Variants in COX15 observed in about 807,000 individuals in gnomAD.
COX15 encodes the protein heme A synthase COX15.
In COX15, 51 loss-of-function variants were observed where a neutral mutation model predicts 51.9. The ratio of observed to expected loss-of-function variants is 0.98; its 90% CI spans 0.78 to 1.24. COX15 has a LOEUF of 1.24. COX15 is among the 50% of genes most tolerant of loss of function. The pLI, the probability that COX15 is intolerant of heterozygous loss-of-function variation, is 0.00. For missense variants in COX15, 420 were observed against 501.1 expected (o/e 0.84, Z 1.55); for synonymous variants, 188 against 190.5 (o/e 0.99, Z 0.11).
At chr10:99,729,503 G>T in intron 2 of COX15, 50 bp downstream of exon 2, 1 of 1,508,968 alleles carries the variant, frequency 6.6e-7, no homozygotes, top group Non-Finnish European at 9.2e-7. Context: ...GTCAACCTGT[G>T]CTTCTACTGA....
At chr10:99,702,721 G>A in the COX15 span, 1 of 1,505,288 alleles carries the variant, frequency 6.6e-7, no homozygotes, top group Non-Finnish European at 8.9e-7. Flanking sequence ...GAGGATATCA[G>A]TTGATGCCTC....
rs770156735 is a variant in COX15 at position 99,713,417 on chromosome 10, G to C, written c.*1170C>G. On this transcript the variant is annotated 3_prime_UTR_variant, in exon 9 of 9. Coordinates refer to ENST00000016171, the MANE Select transcript of COX15 (RefSeq NM_078470.6). Reference sequence around the variant, plus strand: ...ATTGGGTTGCTCCATCCTCAAATCAGATGTTTCTGATGCCTTCATCCAAAT... The same window carrying C: ...ATTGGGTTGCTCCATCCTCAAATCACATGTTTCTGATGCCTTCATCCAAAT... The C allele has an allele frequency of 6.2e-7, 1 of 1,613,916 alleles. No individual in the cohort carries two copies. Among genetic ancestry groups the C allele is most frequent in the Admixed American group, 1.7e-5 (1 of 60,014 alleles).
rs748566454 is a variant in COX15, at chr10:99,714,686, A to G, written c.1134T>C (p.Tyr378=). 2 of 1,613,998 alleles carry G rather than the reference A, an allele frequency of 1.2e-6. No individual in the cohort carries two copies. The highest frequency in any genetic ancestry group is 3.3e-5 in the Admixed American group (2 of 60,024). The change falls in exon 9 of 9, where the codon TAT becomes TAC. Residue 378 remains tyrosine (Y), a synonymous_variant. Transcript: ENST00000016171. ...VGLGISTLLM[Y]VPTPLAATHQ... Reference sequence around the variant, plus strand: ...GAGTGGCGGCCAGAGGAGTTGGGACATACATCAGCAGCGTGCTGATGCCCA... The same window carrying G: ...GAGTGGCGGCCAGAGGAGTTGGGACGTACATCAGCAGCGTGCTGATGCCCA...
chr10:99,716,469 G>T lies in COX15; in HGVS notation c.988-8C>A, dbSNP rs542092025. ...AGTGACTGAAGTGATTCCCTGCAGGGAAGAAAGAGTCTATCACATTAGATA... is the reference window on the plus strand; with the variant it reads ...AGTGACTGAAGTGATTCCCTGCAGGTAAGAAAGAGTCTATCACATTAGATA... On this transcript the variant is annotated splice_region_variant and splice_polypyrimidine_tract_variant and intron_variant, in intron 7 of 8. Coordinates refer to ENST00000016171, the MANE Select transcript of COX15 (RefSeq NM_078470.6). 1,432 of 1,581,106 alleles carry T rather than the reference G, an allele frequency of 9.1e-4. 27 individuals are homozygous for T. In the South Asian group the frequency reaches 0.015, roughly 17 times the overall value.
At chr10:99,710,344 C>T (rs2036341086), downstream of COX15, 1 of 985,226 alleles carries the variant, frequency 1.0e-6, no homozygotes, top group African/African-American at 1.7e-5. Context: ...CCACAATTAC[C>T]CTTTAGTTGA....
downstream of COX15, chr10:99,710,409 C>G (rs938196303): frequency 3.1e-5 from 31 of 985,252 alleles, no homozygotes; most frequent in African/African-American, 5.2e-4. Flanking sequence ...GATCAATGGC[C>G]TCTGCGGAGT....
chr10:99,698,746 T>C, the COX15 span: 11 of 1,614,230 alleles, frequency 6.8e-6, no homozygotes, highest in South Asian at 6.6e-5. Context: ...CAATCGCCTA[T>C]TGACTTCAAC....
At chr10:99,696,037 G>A in the COX15 span, 8 of 1,614,206 alleles carry the variant, frequency 5.0e-6, no homozygotes, top group Non-Finnish European at 6.8e-6. Flanking sequence ...CAGGGTTTAT[G>A]TCACAACTTT....
chr10:99,699,188 C>T, the COX15 span, among the ~76,000 whole-genome samples: 1 of 152,166 alleles, frequency 6.6e-6, no homozygotes, highest in African/African-American at 2.4e-5. Flanking sequence ...CAAGAAATGT[C>T]ACCTCCAGTA....
rs1275177448 is a variant in COX15 at position 99,712,941 on chromosome 10, T to C, written c.*1646A>G. The C allele has an allele frequency of 1.1e-6, 1 of 882,152 alleles. No homozygotes were observed. Among genetic ancestry groups the C allele is most frequent in the Non-Finnish European group, 1.4e-6 (1 of 729,166 alleles). The allele number at this position is 882,152 out of a possible 1,614,324, so 54.6% of individuals were successfully genotyped here. A position where few individuals can be genotyped will look rare whatever the true frequency, so the allele number is the denominator to read the frequency against. ...GGAATCTTGCTCTCTCTCCAGATGT[T>C]CTCTGCTCCAGTTAAATATCCCTAG... On this transcript the variant is annotated 3_prime_UTR_variant, in exon 9 of 9. Transcript: ENST00000016171.
Position 99,729,710 on chromosome 10 carries a change from T to G in COX15, c.115A>C (p.Arg39=), listed in dbSNP as rs145667552. 1.4e-5 allele frequency: 23 copies of G among 1,614,156 alleles called. No homozygotes were observed. In the African/African-American group the frequency reaches 2.7e-4, roughly 19 times the overall value. The change falls in exon 2 of 9, where the codon AGG becomes CGG. Residue 39 remains arginine (R), a synonymous_variant. Coordinates refer to ENST00000016171, the MANE Select transcript of COX15 (RefSeq NM_078470.6). ...AQCDCIRRPL[R]PGQYSTISEV... Reference sequence around the variant, plus strand: ...GAGATGGTGCTGTATTGCCCTGGCCTCAAAGGGCGCCTGATGCAATCACAC... The same window carrying G: ...GAGATGGTGCTGTATTGCCCTGGCCGCAAAGGGCGCCTGATGCAATCACAC...
chr10:99,706,718 TTTTTC>T (rs748733892), downstream of COX15, among the ~76,000 whole-genome samples: 35 of 152,200 alleles, frequency 2.3e-4, no homozygotes, highest in Non-Finnish European at 4.3e-4. Context: ...TCTACATTGC[TTTTTC>T]TTTTATTATC....
downstream of COX15, chr10:99,708,830 T>C: frequency 3.0e-6 from 3 of 985,428 alleles, no homozygotes; most frequent in Non-Finnish European, 3.6e-6. Flanking sequence ...CTAGCCCAAC[T>C]ACTTTGTCAG....
intron 1 of COX15, among the ~76,000 whole-genome samples, chr10:99,731,646 C>G (rs896059903): frequency 1.3e-5 from 2 of 152,164 alleles, no homozygotes; most frequent in Non-Finnish European, 2.9e-5. Context: ...AAAAATTACT[C>G]AGCTTTTACC....
At chr10:99,704,372 C>A in the COX15 span, 3 of 1,356,698 alleles carry the variant, frequency 2.2e-6, no homozygotes, top group Non-Finnish European at 3.1e-6. Flanking sequence ...GATAACACTA[C>A]TGGGCCTTTC....
At chr10:99,694,838 A>T in the COX15 span, among the ~76,000 whole-genome samples, 87 of 152,192 alleles carry the variant, frequency 5.7e-4, 1 homozygote, top group Middle Eastern at 3.4e-3. Flanking sequence ...TGCCCACCCC[A>T]GTTTTTGGAT....
Position 99,716,502 on chromosome 10 carries a change from C to T in COX15, c.988-41G>A, listed in dbSNP as rs527714240. ...AGTCTATCACATTAGATAGAAGTGC[C>T]AGGTTTCTAACTCACCTTACATGTA... On this transcript the variant is annotated intron_variant, in intron 7 of 8. Transcript: ENST00000016171. 4.3e-6 allele frequency: 6 copies of T among 1,386,414 alleles called. No homozygotes were observed. The South Asian group carries it at 6.9e-5, about 16-fold the overall frequency. 85.9% of individuals were successfully genotyped at this position (1,386,414 alleles called of 1,614,324 possible). A position where few individuals can be genotyped will look rare whatever the true frequency, so the allele number is the denominator to read the frequency against.
Position 99,716,378 on chromosome 10 carries a change from T to C in COX15, c.1071A>G (p.Ala357=). Residue 357 remains alanine, a synonymous_variant, in exon 8 of 9, where the codon GCA becomes GCG. Coordinates refer to ENST00000016171, the MANE Select transcript of COX15 (RefSeq NM_078470.6). The part of the protein sequence containing the change: ...IPLPRRTKMA[A]VTLLALAYTQ... ...TATACGCCAAAGCCAGCAGAGTCACTGCTGCCATCTTGGTCCTTCTAGGAA... is the reference window on the plus strand; with the variant it reads ...TATACGCCAAAGCCAGCAGAGTCACCGCTGCCATCTTGGTCCTTCTAGGAA... 6.2e-7 allele frequency: 1 copy of C among 1,613,890 alleles called. No homozygotes were observed. Among genetic ancestry groups the C allele is most frequent in the Non-Finnish European group, 8.5e-7 (1 of 1,179,852 alleles).
the COX15 span, chr10:99,700,780 G>T: frequency 1.6e-6 from 1 of 621,222 alleles, no homozygotes; most frequent in Non-Finnish European, 2.9e-6. Flanking sequence ...AAGCTGGCTT[G>T]GTGCTAGACA....
Sources: allele counts gnomAD v4.1 joint callset (sites outside exome capture counted in the v4.1 genomes callset), GRCh38; gene constraint gnomAD v4.1.1; transcripts MANE v1.5; gene names NCBI Gene and HGNC (gene_info 2026-07-23, HGNC 2026-07-21).